The following PTPRD variants were observed in gnomAD, a reference collection of about 807,000 sequenced individuals.
PTPRD encodes the protein protein tyrosine phosphatase receptor type D.
In PTPRD, 34 loss-of-function variants were observed where a neutral mutation model predicts 214.5. The ratio of observed to expected loss-of-function variants is 0.16; its 90% CI spans 0.12 to 0.21. The LOEUF (loss-of-function observed/expected upper bound fraction) is 0.21, where lower values mean the gene tolerates loss of function less well. Ranked by LOEUF, PTPRD falls within the 10% of genes least tolerant of loss-of-function variation. The pLI, the probability that PTPRD is intolerant of heterozygous loss-of-function variation, is 1.00. For synonymous variants in PTPRD, 1,128 were observed against 845.7 expected, an observed-to-expected ratio of 1.33 and a Z score of -5.79; for missense variants, 2,545 against 2,398.7, an observed-to-expected ratio of 1.06 and a Z score of -1.27.
At chr9:10,423,228 T>C (rs1169287936) in intron 2 of PTPRD, among the ~76,000 whole-genome samples, 1 of 151,968 alleles carries the variant, frequency 6.6e-6, no homozygotes, top group Non-Finnish European at 1.5e-5. Flanking sequence ...CACCGCATGT[T>C]CTCACTCATA....
intron 8 of PTPRD, among the ~76,000 whole-genome samples, chr9:9,540,368 T>G (rs1383444397): frequency 6.6e-6 from 1 of 151,796 alleles, no homozygotes; most frequent in African/African-American, 2.4e-5. Context: ...GTAGTATGTG[T>G]GTGTATGCCA....
chr9:9,133,125 T>A (rs1353879900), intron 10 of PTPRD, among the ~76,000 whole-genome samples: 1 of 152,208 alleles, frequency 6.6e-6, no homozygotes, highest in African/African-American at 2.4e-5. Flanking sequence ...TTTCTAGTGG[T>A]TTCTGTATTT....
At chr9:10,450,254 A>G (rs1054141609) in intron 2 of PTPRD, among the ~76,000 whole-genome samples, 1 of 150,438 alleles carries the variant, frequency 6.6e-6, no homozygotes, top group African/African-American at 2.5e-5. Flanking sequence ...TAAAAAAAAT[A>G]AATAAATAAA....
At chr9:9,664,088 TAAA>T (rs71319290) in intron 7 of PTPRD, among the ~76,000 whole-genome samples, 10 of 114,522 alleles carry the variant, frequency 8.7e-5, no homozygotes, top group Non-Finnish European at 9.1e-5. Flanking sequence ...CACTCCTGTG[TAAA>T]AAAAAAAAAA....
At chr9:8,468,521 C>T (rs956420944) in intron 31 of PTPRD, among the ~76,000 whole-genome samples, 2 of 151,712 alleles carry the variant, frequency 1.3e-5, no homozygotes, top group Non-Finnish European at 2.9e-5. Context: ...GAGAGCAGCC[C>T]GGTAACAAAG....
intron 8 of PTPRD, among the ~76,000 whole-genome samples, chr9:9,569,284 A>G (rs1401795486): frequency 6.6e-6 from 1 of 151,764 alleles, no homozygotes. Flanking sequence ...GAGGGGAAAA[A>G]AAAAAGGTAT....
chr9:9,984,331 TG>T (rs2095637546), intron 4 of PTPRD, among the ~76,000 whole-genome samples: 1 of 152,164 alleles, frequency 6.6e-6, no homozygotes, highest in Non-Finnish European at 1.5e-5. Context: ...ACTCTAGGAC[TG>T]GGAAAAAGTA....
chr9:8,435,566 G>A (rs561548422), intron 35 of PTPRD, among the ~76,000 whole-genome samples: 38 of 152,158 alleles, frequency 2.5e-4, no homozygotes, highest in African/African-American at 9.1e-4. Flanking sequence ...TGTTAAAACT[G>A]GTCTAGAAAA....
intron 11 of PTPRD, among the ~76,000 whole-genome samples, chr9:8,923,099 T>C (rs752083028): frequency 2.0e-5 from 3 of 151,664 alleles, no homozygotes; most frequent in Non-Finnish European, 4.4e-5. Flanking sequence ...TGGAGCGCAA[T>C]GGTGTGGTCT....
rs201929358 is a variant in PTPRD, at chr9:9,650,862, A to AAT, written c.-286-76083_-286-76082dup. ...CCTATTTATCAGACTAAATTTATGG[A>AAT]ATATATATAAATAATTAGCTAAAAT... On this transcript the variant is annotated intron_variant, in intron 7 of 45. Coordinates refer to ENST00000381196, the MANE Select transcript of PTPRD (RefSeq NM_002839.4). 2.2e-4 allele frequency among the ~76,000 whole-genome samples: 33 copies of AAT among 152,234 alleles called. No individual in the cohort carries two copies. The East Asian group carries it at 5.4e-3, about 25-fold the overall frequency.
chr9:9,763,558 C>A (rs921223621), intron 6 of PTPRD, among the ~76,000 whole-genome samples: 9 of 152,072 alleles, frequency 5.9e-5, no homozygotes, highest in Non-Finnish European at 1.2e-4. Flanking sequence ...TATTTTGTTT[C>A]CCATTATCAT....
intron 10 of PTPRD, among the ~76,000 whole-genome samples, chr9:9,021,522 ATTATT>A (rs2154370041): frequency 6.6e-6 from 1 of 152,226 alleles, no homozygotes; most frequent in East Asian, 1.9e-4. Flanking sequence ...ACTTCATGTC[ATTATT>A]TTAGAGTGTA....
chr9:9,000,871 G>A (rs138780102), intron 11 of PTPRD, among the ~76,000 whole-genome samples: 140 of 152,036 alleles, frequency 9.2e-4, no homozygotes, highest in Non-Finnish European at 1.2e-3. Context: ...GAAATAACCA[G>A]GTGGATTTTG....
chr9:10,500,395 T>C (rs529768133), intron 2 of PTPRD, among the ~76,000 whole-genome samples: 3 of 151,992 alleles, frequency 2.0e-5, no homozygotes, highest in Admixed American at 2.0e-4. Flanking sequence ...ATGGACAACC[T>C]TGATTCTTTT....
At chr9:8,991,185 C>T (rs1202666082) in intron 11 of PTPRD, among the ~76,000 whole-genome samples, 1 of 149,418 alleles carries the variant, frequency 6.7e-6, no homozygotes, top group Non-Finnish European at 1.5e-5. Flanking sequence ...CGCCATTGCA[C>T]TCCAGCCTGG....
chr9:10,037,958 T>C (rs7848407), intron 3 of PTPRD, among the ~76,000 whole-genome samples: 30,493 of 152,078 alleles, frequency 0.2, 3,559 homozygotes, highest in East Asian at 0.5. Context: ...CTACCTCTAT[T>C]TCCAAACCTT....
intron 3 of PTPRD, among the ~76,000 whole-genome samples, chr9:10,155,103 C>G (rs542903164): frequency 6.6e-6 from 1 of 152,066 alleles, no homozygotes; most frequent in African/African-American, 2.4e-5. Flanking sequence ...CCATTTGTTT[C>G]TGTCATCCCT....
At chr9:8,528,318 G>C (rs2074751609) in intron 15 of PTPRD, 1 of 483,254 alleles carries the variant, frequency 2.1e-6, no homozygotes, top group African/African-American at 2.0e-5. Flanking sequence ...CGAAAAAGCA[G>C]TAAATTAAAA....
intron 7 of PTPRD, among the ~76,000 whole-genome samples, chr9:9,686,160 T>A (rs1468833536): frequency 1.3e-5 from 2 of 151,502 alleles, no homozygotes. Context: ...TAATTTTTTT[T>A]AATTTTCAAA....
Sources: gnomAD v4.1 joint callset for allele counts (sites outside exome capture counted in the v4.1 genomes callset) on GRCh38, gnomAD v4.1.1 for gene constraint, MANE v1.5 for transcripts, NCBI Gene and HGNC (gene_info 2026-07-23, HGNC 2026-07-21) for gene names.